The following ATP2B3 variants were observed in gnomAD, a reference collection of about 807,000 sequenced individuals.
The protein encoded by ATP2B3 is ATPase plasma membrane Ca2+ transporting 3.
ATP2B3 carries 12 observed loss-of-function variants against 70.8 expected under a neutral mutation model. The ratio of observed to expected loss-of-function variants is 0.17; its 90% CI spans 0.11 to 0.27. The LOEUF is 0.27. Ranked by LOEUF, ATP2B3 falls within the 10% of genes least tolerant of loss-of-function variation. ATP2B3 has a pLI of 1.00. For missense variants in ATP2B3, 858 were observed against 1,118.5 expected (o/e 0.77, Z 3.32); for synonymous variants, 460 against 497.8 (o/e 0.92, Z 1.01).
intron 6 of ATP2B3, 149 bp downstream of exon 6, chrX:153,542,597 G>A (rs1448228236): frequency 7.0e-6 from 6 of 857,547 alleles, no homozygotes; most frequent in East Asian, 3.5e-5. Context: ...TGAAGACTCC[G>A]CCCGTCTTGA....
chrX:153,548,876 G>A, intron 10 of ATP2B3, 22 bp downstream of exon 10: 1 of 1,191,231 alleles, frequency 8.4e-7, no homozygotes, highest in Non-Finnish European at 1.1e-6. Flanking sequence ...ACTTACAGTT[G>A]ATACTGTTTA....
rs1341827331 is a variant in ATP2B3 at position 153,581,612 on chromosome X, C to T, written c.*1314C>T. Reference sequence around the variant, plus strand: ...GGAGGAGCTGGTGGTGGGAGAATGACGGCAGGGACGCAGCCACAGTTCAGA... The same window carrying T: ...GGAGGAGCTGGTGGTGGGAGAATGATGGCAGGGACGCAGCCACAGTTCAGA... On this transcript the variant is annotated 3_prime_UTR_variant, in exon 22 of 22. Coordinates refer to ENST00000263519, the MANE Select transcript of ATP2B3 (RefSeq NM_001001344.3). The T allele has an allele frequency of 1.8e-5, 2 of 112,726 alleles. No homozygotes were observed. The highest frequency in any genetic ancestry group is 9.3e-5 in the Admixed American group (1 of 10,732). 9.3% of individuals were successfully genotyped at this position (112,726 alleles called of 1,213,427 possible). A position where few individuals can be genotyped will look rare whatever the true frequency, so the allele number is the denominator to read the frequency against.
chrX:153,548,530 C>A, intron 9 of ATP2B3, 110 bp from the exon 10 acceptor site: 1 of 689,545 alleles, frequency 1.5e-6, no homozygotes, highest in East Asian at 3.4e-5. Context: ...ATCTACAAGG[C>A]CTTCACAAAT....
At chrX:153,555,903 T>G (rs185264498) in intron 13 of ATP2B3, 146 bp from the exon 14 acceptor site, 1 of 623,132 alleles carries the variant, frequency 1.6e-6, no homozygotes, top group African/African-American at 2.2e-5. Flanking sequence ...CTAACACAAG[T>G]GTTCTGAGCA....
chrX:153,553,991 G>A (rs1223987708), intron 13 of ATP2B3, among the ~76,000 whole-genome samples: 1 of 113,819 alleles, frequency 8.8e-6, no homozygotes, highest in Non-Finnish European at 1.9e-5. Flanking sequence ...GCCACCCTGG[G>A]GGTGCAGGTG....
At position 153,557,891 on chromosome X, in the gene ATP2B3, C is replaced by G. The variant is rs781883887; in HGVS notation, c.2434-221C>G. Among the ~76,000 whole-genome samples the G allele has an allele frequency of 2.3e-3, 246 of 107,666 alleles. 1 individual carries two copies. The highest frequency in any genetic ancestry group is 4.2e-3 in the Non-Finnish European group (218 of 51,410). The allele number at this position is 107,666 out of a possible 115,157, so 93.5% of individuals were successfully genotyped here. A position where few individuals can be genotyped will look rare whatever the true frequency, so the allele number is the denominator to read the frequency against. On this transcript the variant is annotated intron_variant, in intron 16 of 21. Transcript: ENST00000263519. ...TGTGTTTATGAGCAAAGCCCCCCCCCCCACCGTGACATGTGACAACTTACT... is the reference window on the plus strand; with the variant it reads ...TGTGTTTATGAGCAAAGCCCCCCCCGCCACCGTGACATGTGACAACTTACT...
At chrX:153,568,235 G>A (rs1203236852) in intron 21 of ATP2B3, among the ~76,000 whole-genome samples, 1 of 111,739 alleles carries the variant, frequency 8.9e-6, no homozygotes, top group Admixed American at 9.5e-5. Context: ...TCATGACTCG[G>A]TCTGTCTTTT....
chrX:153,534,767 C>T (rs1453230745), intron 2 of ATP2B3, among the ~76,000 whole-genome samples: 4 of 113,281 alleles, frequency 3.5e-5, no homozygotes, highest in Non-Finnish European at 5.6e-5. Context: ...TGCAATGTGT[C>T]GCGAGAGTAA....
intron 2 of ATP2B3, among the ~76,000 whole-genome samples, chrX:153,529,594 A>G (rs782782894): frequency 5.9e-4 from 66 of 111,821 alleles, no homozygotes; most frequent in African/African-American, 2.1e-3. Context: ...CACGTTCACC[A>G]TTTTTAAGTG....
chrX:153,542,352 A>C lies in ATP2B3; in HGVS notation c.694A>C (p.Ile232Leu), dbSNP rs62642960. The change falls in exon 6 of 22, where the codon ATC (isoleucine) becomes CTC (leucine). Residue 232 changes from isoleucine (I) to leucine (L), a missense_variant. Physicochemically the swap from Ile to Leu is conservative, Grantham distance 5. Coordinates refer to ENST00000263519, the MANE Select transcript of ATP2B3 (RefSeq NM_001001344.3). ...GDLLPADGVL[I>L]QANDLKIDES... ...CCTGCTGCCAGCCGACGGCGTGCTC[A>C]TCCAGGCCAATGACCTCAAGATCGA... 3.4e-3 allele frequency: 4,150 copies of C among 1,210,102 alleles called. 3 individuals are homozygous for C. The highest frequency in any genetic ancestry group is 4.4e-3 in the Non-Finnish European group (3,930 of 895,207).
At chrX:153,565,304 A>T (rs5987098) in intron 21 of ATP2B3, among the ~76,000 whole-genome samples, 1 of 112,838 alleles carries the variant, frequency 8.9e-6, no homozygotes, top group East Asian at 2.8e-4. Context: ...TGGCACTGAG[A>T]TCGCCTCTCC....
chrX:153,539,899 A>G (rs923789284), intron 3 of ATP2B3, among the ~76,000 whole-genome samples: 4 of 112,902 alleles, frequency 3.5e-5, no homozygotes, highest in African/African-American at 1.3e-4. Context: ...AAGACTGAGA[A>G]GTAAGCGTCC....
chrX:153,580,457 C>T lies in ATP2B3; in HGVS notation c.*159C>T, dbSNP rs2090910438. 3 of 517,302 alleles carry T rather than the reference C, an allele frequency of 5.8e-6. No individual in the cohort carries two copies. The highest frequency in any genetic ancestry group is 9.2e-6 in the Non-Finnish European group (3 of 325,489). 42.6% of individuals were successfully genotyped at this position (517,302 alleles called of 1,213,427 possible). A position where few individuals can be genotyped will look rare whatever the true frequency, so the allele number is the denominator to read the frequency against. On this transcript the variant is annotated 3_prime_UTR_variant, in exon 22 of 22. Coordinates refer to ENST00000263519, the MANE Select transcript of ATP2B3 (RefSeq NM_001001344.3). ...CTTTCTGGCAGGGCATTTGCAAGGA[C>T]CCAAATCCATTCAACAAGGGTGCAG... is the stretch of plus-strand genomic sequence containing the variant.
At position 153,538,346 on chromosome X, in the gene ATP2B3, GC is replaced by G. The variant is rs781868235; in HGVS notation, c.208+1892del. 6.2e-5 allele frequency among the ~76,000 whole-genome samples: 7 copies of G among 113,235 alleles called. No individual in the cohort carries two copies. The South Asian group carries it at 2.5e-3, about 40-fold the overall frequency. The stretch of plus-strand genomic sequence containing the variant: ...GCAGGCACTCCCCCGTGGGGCAGGT[GC>G]TTTATGGCGCATAGTGCATTGCGGG... On this transcript the variant is annotated intron_variant, in intron 3 of 21. Transcript: ENST00000263519.
intron 21 of ATP2B3, among the ~76,000 whole-genome samples, chrX:153,572,265 C>T (rs959486018): frequency 1.8e-5 from 2 of 112,838 alleles, no homozygotes; most frequent in Non-Finnish European, 3.8e-5. Flanking sequence ...GCAGGGGCGT[C>T]GAGTCACGTG....
chrX:153,579,361 C>A (rs942989581), intron 21 of ATP2B3, among the ~76,000 whole-genome samples: 1 of 112,667 alleles, frequency 8.9e-6, no homozygotes, highest in Admixed American at 9.3e-5. Flanking sequence ...TGGCAGGTCC[C>A]GGCTCCAGCC....
intron 12 of ATP2B3, among the ~76,000 whole-genome samples, chrX:153,552,344 T>G (rs1321417473): frequency 8.9e-6 from 1 of 112,212 alleles, no homozygotes; most frequent in Admixed American, 9.4e-5. Flanking sequence ...GATCATTTCC[T>G]TCGTCACCAG....
rs1352498238 is a variant in ATP2B3, at chrX:153,560,905, A to G, written c.3051+18A>G. 4 of 1,206,676 alleles carry G rather than the reference A, an allele frequency of 3.3e-6. No homozygotes were observed. The highest frequency in any genetic ancestry group is 4.6e-4 in the Middle Eastern group (2 of 4,367). ...GGATTCAGGTAGGAGGGGCGGCTCC[A>G]CTCTTGGCCTCTGCCACTTGCAAAA... On this transcript the variant is annotated intron_variant, in intron 19 of 21. Coordinates refer to ENST00000263519, the MANE Select transcript of ATP2B3 (RefSeq NM_001001344.3).
chrX:153,569,724 T>C (rs1197758090), intron 21 of ATP2B3: 4 of 1,211,444 alleles, frequency 3.3e-6, no homozygotes, highest in Non-Finnish European at 4.5e-6. Flanking sequence ...CACGCAATTC[T>C]CTCTGCTGCC....
Sources: allele counts gnomAD v4.1 joint callset (sites outside exome capture counted in the v4.1 genomes callset), GRCh38; gene constraint gnomAD v4.1.1; transcripts MANE v1.5; gene names NCBI Gene and HGNC (gene_info 2026-07-23, HGNC 2026-07-21).